The following RIN3 variants were observed in gnomAD, a reference collection of about 807,000 sequenced individuals.
RIN3 encodes RAB5 interacting protein 3.
RIN3 carries 54 observed loss-of-function variants against 76.3 expected under a neutral mutation model. The ratio of observed to expected loss-of-function variants is 0.71; its 90% CI spans 0.57 to 0.89. The LOEUF is 0.89. Ranked by LOEUF, RIN3 falls within the 40% of genes least tolerant of loss-of-function variation. The pLI is 0.00. For missense variants in RIN3, 1,256 were observed against 1,322.1 expected, an observed-to-expected ratio of 0.95 and a Z score of 0.78; for synonymous variants, 576 against 564.0, an observed-to-expected ratio of 1.02 and a Z score of -0.30.
At chr14:92,611,084 C>T (rs57554795) in intron 3 of RIN3, among the ~76,000 whole-genome samples, 14,873 of 152,194 alleles carry the variant, frequency 0.098, 914 homozygotes, top group Non-Finnish European at 0.13. Context: ...GTTCTGGAGG[C>T]CAGAAATCGG....
Position 92,576,457 on chromosome 14 carries a change from T to G in RIN3, c.250-903T>G, listed in dbSNP as rs916051401. 9.6e-6 allele frequency: 12 copies of G among 1,246,608 alleles called. No individual in the cohort carries two copies. In the African/African-American group the frequency reaches 1.8e-4, roughly 19 times the overall value. The allele number at this position is 1,246,608 out of a possible 1,614,324, so 77.2% of individuals were successfully genotyped here. A position where few individuals can be genotyped will look rare whatever the true frequency, so the allele number is the denominator to read the frequency against. ...TGGTTTTATCAGAAGAGAGTAAACC[T>G]ACAGCAGAAGCAAGTCTTCCTGCTC... On this transcript the variant is annotated intron_variant, in intron 2 of 9. Transcript: ENST00000216487.
At chr14:92,671,736 G>A (rs1261044099) in intron 7 of RIN3, among the ~76,000 whole-genome samples, 12 of 152,100 alleles carry the variant, frequency 7.9e-5, no homozygotes, top group Non-Finnish European at 4.4e-5. Flanking sequence ...GCCATCCTTT[G>A]GCCAAAAGTC....
intron 1 of RIN3, among the ~76,000 whole-genome samples, chr14:92,549,929 G>A (rs1007379895): frequency 1.3e-5 from 2 of 152,224 alleles, no homozygotes; most frequent in Non-Finnish European, 2.9e-5. Context: ...CAAGGTCCCC[G>A]GTTCTGCCTT....
At chr14:92,530,839 C>A (rs8004456) in intron 1 of RIN3, among the ~76,000 whole-genome samples, 48,896 of 151,888 alleles carry the variant, frequency 0.32, 8,840 homozygotes, top group Middle Eastern at 0.47. Flanking sequence ...GAGGGGATGA[C>A]CTCCCTATCT....
chr14:92,678,083 C>T (rs566095886), intron 8 of RIN3, among the ~76,000 whole-genome samples: 21 of 151,958 alleles, frequency 1.4e-4, no homozygotes, highest in African/African-American at 4.8e-4. Context: ...CCCATCCACC[C>T]ATCCATTCAC....
In RIN3 at chr14:92,653,072, C is replaced by T. The variant is rs768762308; in HGVS notation, c.2023C>T (p.Leu675Phe). The change falls in exon 6 of 10, where the codon CTC becomes TTC. Residue 675 changes from leucine (L) to phenylalanine (F), a missense_variant. This residue lies in a region of RIN3 where 428 missense variants were observed against 521.2 expected (regional missense o/e 0.82). Transcript: ENST00000216487. The stretch of plus-strand genomic sequence containing the variant: ...CCCCGCCCTGCACTCCGAGGAGGAG[C>T]TCGGTCAGTGCCCTGGGAGGAGGTG... ...VDPALHSEEE[L>F]EAIVESALYK... 3 of 1,599,580 alleles carry T rather than the reference C, an allele frequency of 1.9e-6. No homozygotes were observed. The highest frequency in any genetic ancestry group is 2.2e-5 in the East Asian group (1 of 44,718).
At chr14:92,606,597 G>T (rs1885534022) in intron 3 of RIN3, among the ~76,000 whole-genome samples, 1 of 152,052 alleles carries the variant, frequency 6.6e-6, no homozygotes, top group Non-Finnish European at 1.5e-5. Flanking sequence ...ATGGGCAAAG[G>T]ATCTGAGAAG....
intron 4 of RIN3, among the ~76,000 whole-genome samples, chr14:92,632,711 G>A (rs1252112507): frequency 4.6e-5 from 7 of 152,128 alleles, no homozygotes; most frequent in African/African-American, 7.2e-5. Flanking sequence ...CACTCCAGCC[G>A]CTCCCTCCAC....
chr14:92,687,673 C>G, intron 9 of RIN3: 1 of 503,580 alleles, frequency 2.0e-6, no homozygotes, highest in Non-Finnish European at 3.5e-6. Flanking sequence ...GACGCGCCGG[C>G]TCCTCTTTGC....
chr14:92,605,665 A>G (rs1398112613), intron 3 of RIN3, among the ~76,000 whole-genome samples: 1 of 152,242 alleles, frequency 6.6e-6, no homozygotes, highest in Non-Finnish European at 1.5e-5. Context: ...TTAAGTTTTC[A>G]TTTGTTGAAT....
chr14:92,561,109 T>A (rs1351216264), intron 2 of RIN3, among the ~76,000 whole-genome samples: 3 of 111,492 alleles, frequency 2.7e-5, no homozygotes, highest in African/African-American at 9.9e-5. Flanking sequence ...TATGCCATAT[T>A]TATATATATT....
chr14:92,603,888 T>G (rs1885433915), intron 3 of RIN3, among the ~76,000 whole-genome samples: 1 of 152,252 alleles, frequency 6.6e-6, no homozygotes, highest in African/African-American at 2.4e-5. Flanking sequence ...AATCGCTATC[T>G]TCCCCACTTC....
At chr14:92,647,275 C>T (rs76957363) in intron 5 of RIN3, among the ~76,000 whole-genome samples, 3,392 of 152,204 alleles carry the variant, frequency 0.022, 100 homozygotes, top group African/African-American at 0.065. Context: ...AGCCAGCGTT[C>T]GAAAGTGCAG....
intron 2 of RIN3, among the ~76,000 whole-genome samples, chr14:92,567,015 G>A (rs1276165528): frequency 6.6e-6 from 1 of 152,178 alleles, no homozygotes; most frequent in African/African-American, 2.4e-5. Context: ...TATTGTAGTG[G>A]TCACAAACGT....
intron 1 of RIN3, among the ~76,000 whole-genome samples, chr14:92,516,498 A>T (rs1338482386): frequency 6.6e-6 from 1 of 152,154 alleles, no homozygotes; most frequent in African/African-American, 2.4e-5. Context: ...CAAGGAGCTA[A>T]TGTTCCCTGG....
In RIN3 at chr14:92,596,722, C is replaced by T. The variant is rs1359543728; in HGVS notation, c.368-18685C>T. 2.0e-5 allele frequency among the ~76,000 whole-genome samples: 3 copies of T among 152,132 alleles called. No homozygotes were observed. In the East Asian group the frequency reaches 5.8e-4, roughly 29 times the overall value. On this transcript the variant is annotated intron_variant, in intron 3 of 9. Coordinates refer to ENST00000216487, the MANE Select transcript of RIN3 (RefSeq NM_024832.5). ...CGTGCTTTATGTTCATTGCGAAGTA[C>T]CAGAGTTGTGCAGAAAGGGGGCAGG...
intron 8 of RIN3, among the ~76,000 whole-genome samples, chr14:92,679,378 G>A (rs766827357): frequency 6.6e-5 from 10 of 152,246 alleles, no homozygotes; most frequent in Non-Finnish European, 1.2e-4. Context: ...ACCAGCAAGG[G>A]GGGTGGGTGG....
chr14:92,628,291 G>A (rs1886430207), intron 4 of RIN3, among the ~76,000 whole-genome samples: 1 of 152,190 alleles, frequency 6.6e-6, no homozygotes, highest in Non-Finnish European at 1.5e-5. Context: ...CCAGTAGAGA[G>A]TAAACTCCAG....
chr14:92,646,305 C>T (rs1887198340), intron 5 of RIN3, among the ~76,000 whole-genome samples: 1 of 152,234 alleles, frequency 6.6e-6, no homozygotes, highest in Admixed American at 6.5e-5. Context: ...CCAAGGAAGC[C>T]TGGATTTGGC....
Sources: allele counts gnomAD v4.1 joint callset (sites outside exome capture counted in the v4.1 genomes callset), GRCh38; gene constraint gnomAD v4.1.1; regional missense constraint gnomAD v4.1.1; transcripts MANE v1.5; gene names NCBI Gene and HGNC (gene_info 2026-07-23, HGNC 2026-07-21).